CYB5R4: variants seen among roughly 807,000 people sequenced by gnomAD.
CYB5R4 encodes cytochrome b5 reductase 4.
CYB5R4 carries 55 observed loss-of-function variants against 70.2 expected under a neutral mutation model. The observed-to-expected ratio is 0.78, with a 90% CI of 0.63 to 0.98. CYB5R4 has a LOEUF of 0.98. Among genes scored for constraint, CYB5R4 ranks in the 50% least tolerant of loss-of-function variants. CYB5R4 has a pLI of 0.00. For synonymous variants in CYB5R4, 197 were observed against 199.5 expected, an observed-to-expected ratio of 0.99 and a Z score of 0.11; for missense variants, 562 against 612.6, an observed-to-expected ratio of 0.92 and a Z score of 0.87.
chr6:83,931,803 A>AT (rs751383236), intron 10 of CYB5R4, among the ~76,000 whole-genome samples: 10,432 of 116,758 alleles, frequency 0.089, 649 homozygotes, highest in East Asian at 0.32. Flanking sequence ...ATATATATAT[A>AT]TTTTTTTTTT....
intron 5 of CYB5R4, among the ~76,000 whole-genome samples, chr6:83,916,156 C>T (rs1327144295): frequency 1.3e-5 from 2 of 151,670 alleles, no homozygotes; most frequent in Non-Finnish European, 2.9e-5. Context: ...TGATTATTGT[C>T]TCATTTGCTC....
At chr6:83,915,809 C>T (rs2099465413) in intron 5 of CYB5R4, among the ~76,000 whole-genome samples, 1 of 152,154 alleles carries the variant, frequency 6.6e-6, no homozygotes, top group African/African-American at 2.4e-5. Context: ...GATCTGCCTG[C>T]ATTCTATGTT....
intron 4 of CYB5R4, among the ~76,000 whole-genome samples, chr6:83,914,102 T>A (rs1201082532): frequency 6.6e-6 from 1 of 152,170 alleles, no homozygotes; most frequent in Non-Finnish European, 1.5e-5. Flanking sequence ...ATAACACGGA[T>A]GAAACTTGAC....
chr6:83,899,540 G>A (rs2099462507), intron 3 of CYB5R4, among the ~76,000 whole-genome samples: 2 of 152,190 alleles, frequency 1.3e-5, no homozygotes, highest in South Asian at 4.1e-4. Context: ...AGAAGGAATA[G>A]TACCAGCTCC....
chr6:83,904,969 G>A (rs1423379162), intron 3 of CYB5R4, among the ~76,000 whole-genome samples: 3 of 150,486 alleles, frequency 2.0e-5, no homozygotes, highest in Non-Finnish European at 3.0e-5. Context: ...GCTTTTTCAT[G>A]TTTCCTGTGT....
At chr6:83,908,377 A>G (rs1357645244) in intron 3 of CYB5R4, among the ~76,000 whole-genome samples, 1 of 152,200 alleles carries the variant, frequency 6.6e-6, no homozygotes, top group African/African-American at 2.4e-5. Flanking sequence ...AAAAAAGCCT[A>G]GTTGCATTTG....
intron 15 of CYB5R4, among the ~76,000 whole-genome samples, chr6:83,959,438 A>C (rs576659541): frequency 6.6e-6 from 1 of 152,334 alleles, no homozygotes; most frequent in South Asian, 2.1e-4. Flanking sequence ...TAGGAGACTC[A>C]ACAAATAAAA....
intron 3 of CYB5R4, among the ~76,000 whole-genome samples, chr6:83,908,377 A>C (rs1357645244): frequency 6.6e-6 from 1 of 152,200 alleles, no homozygotes; most frequent in African/African-American, 2.4e-5. Flanking sequence ...AAAAAAGCCT[A>C]GTTGCATTTG....
chr6:83,864,681 A>T (rs2099456474), intron 2 of CYB5R4, among the ~76,000 whole-genome samples: 1 of 152,224 alleles, frequency 6.6e-6, no homozygotes, highest in South Asian at 2.1e-4. Flanking sequence ...CTTATAACAG[A>T]ATTCTGTTGG....
At chr6:83,931,197 A>G (rs796385007) in intron 10 of CYB5R4, among the ~76,000 whole-genome samples, 19 of 152,344 alleles carry the variant, frequency 1.2e-4, no homozygotes, top group African/African-American at 3.4e-4. Flanking sequence ...CATGTTCTCA[A>G]ACTTTTAAAA....
At chr6:83,898,664 T>C (rs2099462341) in intron 3 of CYB5R4, among the ~76,000 whole-genome samples, 1 of 152,166 alleles carries the variant, frequency 6.6e-6, no homozygotes, top group Non-Finnish European at 1.5e-5. Context: ...TAGTTCTCCT[T>C]GAAGAGGTCC....
At chr6:83,950,496 C>T (rs1371938520) in intron 14 of CYB5R4, among the ~76,000 whole-genome samples, 1 of 152,148 alleles carries the variant, frequency 6.6e-6, no homozygotes, top group Non-Finnish European at 1.5e-5. Context: ...TCTGTGATGT[C>T]TCTGCTTTTG....
intron 2 of CYB5R4, among the ~76,000 whole-genome samples, chr6:83,865,894 G>A (rs1003363805): frequency 6.6e-6 from 1 of 152,118 alleles, no homozygotes; most frequent in Non-Finnish European, 1.5e-5. Flanking sequence ...AAATGTGAAT[G>A]GTACCAGCAA....
At position 83,922,447 on chromosome 6, in the gene CYB5R4, A is replaced by G. The variant is rs141290525; in HGVS notation, c.668A>G (p.His223Arg). The G allele has an allele frequency of 2.0e-3, 3,225 of 1,613,312 alleles. 4 individuals are homozygous for G. The highest frequency in any genetic ancestry group is 2.5e-3 in the Non-Finnish European group (2,966 of 1,179,532). The change falls in exon 9 of 16, where the codon CAT becomes CGT. Residue 223 changes from histidine (H) to arginine (R), a missense_variant. Physicochemically the swap from His to Arg is conservative, Grantham distance 29 (BLOSUM62 0). Transcript: ENST00000369681. ...CLYLIHIGLS[H>R]EVQEDFSVRV... Reference sequence around the variant, plus strand: ...AATTTGTCTGTCCTAGGGCTAAGCCATGAGGTTCAGGAAGATTTTTCTGGT... The same window carrying G: ...AATTTGTCTGTCCTAGGGCTAAGCCGTGAGGTTCAGGAAGATTTTTCTGGT...
At chr6:83,927,511 A>C (rs1250465754) in intron 10 of CYB5R4, among the ~76,000 whole-genome samples, 2 of 152,156 alleles carry the variant, frequency 1.3e-5, no homozygotes, top group African/African-American at 4.8e-5. Flanking sequence ...GGGTTCAAAA[A>C]TTTGCTAGGA....
At chr6:83,899,316 G>A (rs549952890) in intron 3 of CYB5R4, among the ~76,000 whole-genome samples, 8 of 152,180 alleles carry the variant, frequency 5.3e-5, no homozygotes, top group Admixed American at 2.0e-4. Flanking sequence ...GGATGAAGCC[G>A]ACTTGATCAT....
intron 3 of CYB5R4, among the ~76,000 whole-genome samples, chr6:83,906,052 G>A (rs2099463707): frequency 6.6e-6 from 1 of 152,164 alleles, no homozygotes; most frequent in Non-Finnish European, 1.5e-5. Context: ...GCCAGCCATG[G>A]CAGGCATGGT....
chr6:83,943,643 A>G (rs1364048826), intron 14 of CYB5R4, among the ~76,000 whole-genome samples: 1 of 152,128 alleles, frequency 6.6e-6, no homozygotes, highest in Non-Finnish European at 1.5e-5. Context: ...AGTAGGCTTC[A>G]GAAGGTGGGT....
chr6:83,870,073 AG>A (rs2099457332), intron 2 of CYB5R4, among the ~76,000 whole-genome samples: 1 of 152,216 alleles, frequency 6.6e-6, no homozygotes, highest in Non-Finnish European at 1.5e-5. Flanking sequence ...TATATATTAA[AG>A]AAGGTGTCTT....
Sources: allele counts gnomAD v4.1 joint callset (sites outside exome capture counted in the v4.1 genomes callset), GRCh38; gene constraint gnomAD v4.1.1; transcripts MANE v1.5; gene names NCBI Gene and HGNC (gene_info 2026-07-23, HGNC 2026-07-21).